Variants in DNAH10 observed in about 807,000 individuals in gnomAD.
DNAH10 encodes the protein dynein axonemal heavy chain 10, also known as axonemal beta dynein heavy chain 10.
In DNAH10, 348 loss-of-function variants were observed where a neutral mutation model predicts 506.6. That is an observed-to-expected ratio of 0.69 (90% CI 0.63 to 0.75). The LOEUF (loss-of-function observed/expected upper bound fraction) is 0.75, where lower values mean the gene tolerates loss of function less well. DNAH10 is among the 30% of genes least tolerant of loss of function. The probability of loss-of-function intolerance (pLI) is 0.00; values close to 1 mark genes in which losing one functional copy is unlikely to be tolerated. For synonymous variants in DNAH10, 2,059 were observed against 2,198.6 expected, an observed-to-expected ratio of 0.94 and a Z score of 1.78; for missense variants, 5,179 against 5,787.1, an observed-to-expected ratio of 0.89 and a Z score of 3.41.
chr12:123,819,576 C>T (rs762443406), intron 23 of DNAH10, among the ~76,000 whole-genome samples: 5 of 152,020 alleles, frequency 3.3e-5, no homozygotes, highest in South Asian at 2.1e-4. Context: ...ACAAAGGCAG[C>T]GTCTTATCCA....
intron 43 of DNAH10, among the ~76,000 whole-genome samples, chr12:123,869,655 T>C (rs1951947695): frequency 6.6e-6 from 1 of 152,202 alleles, no homozygotes. Flanking sequence ...TTTCTCCTTT[T>C]ACAGTGGAAG....
chr12:123,818,992 A>C lies in DNAH10; in HGVS notation c.3823A>C (p.Ile1275Leu), dbSNP rs748916901. The change falls in exon 22 of 79, where the codon ATA becomes CTA. Residue 1275 changes from isoleucine (I) to leucine (L), a missense_variant. By Grantham distance (5) the Ile-to-Leu change is conservative. Transcript: ENST00000673944. ...AGAACTGGTTGATAAGATTGAGAGC[A>C]TATGGTCCAATCTGTTTAATGATTC... Reference protein sequence around the residue: ...EKELVDKIESIWSNLFNDSVN... With the variant: ...EKELVDKIESLWSNLFNDSVN... The C allele has an allele frequency of 1.9e-6, 3 of 1,608,160 alleles. No homozygotes were observed. The highest frequency in any genetic ancestry group is 2.5e-6 in the Non-Finnish European group (3 of 1,177,230).
chr12:123,780,942 C>CA (rs376709809), intron 5 of DNAH10, 138 bp from the exon 6 acceptor site: 53,676 of 331,924 alleles, frequency 0.16, 2,065 homozygotes, highest in African/African-American at 0.28. Context: ...GACTCTGTCT[C>CA]AAAAAAAAAA....
chr12:123,930,252 C>T lies in DNAH10; in HGVS notation c.12613-150C>T, dbSNP rs529216924. 1.6e-5 allele frequency: 11 copies of T among 698,660 alleles called. No homozygotes were observed. The South Asian group carries it at 1.9e-4, about 12-fold the overall frequency. The allele number at this position is 698,660 out of a possible 1,614,324, so 43.3% of individuals were successfully genotyped here. ...CAGATCAATTGTGTGAACAGTGGCC[C>T]GAAAGGTTATGCAAGTCAACAGGTT... is the stretch of plus-strand genomic sequence containing the variant. On this transcript the variant is annotated intron_variant, in intron 72 of 78. Coordinates refer to ENST00000673944, the MANE Select transcript of DNAH10 (RefSeq NM_001372106.1).
In DNAH10 at chr12:123,850,041, A is replaced by G. The variant is rs984713176; in HGVS notation, c.6103-847A>G. 6.6e-6 allele frequency among the ~76,000 whole-genome samples: 1 copy of G among 152,086 alleles called. No individual in the cohort carries two copies. The highest frequency in any genetic ancestry group is 1.5e-5 in the Non-Finnish European group (1 of 68,012). ...CTCTTCCCCCTGGGCCATCTGGGCC[A>G]TCTGGGCCTCTTGTGGGATACTGAG... On this transcript the variant is annotated intron_variant, in intron 34 of 78. Transcript: ENST00000673944. The surrounding 1 kb of genome is among the most constrained non-coding windows in gnomAD (Gnocchi z 5.5).
chr12:123,780,050 C>T (rs1425209529), intron 5 of DNAH10, among the ~76,000 whole-genome samples: 3 of 152,044 alleles, frequency 2.0e-5, no homozygotes, highest in African/African-American at 7.2e-5. Flanking sequence ...AAACTATGTC[C>T]TCAAGAACTT....
chr12:123,908,575 C>T (rs1428422071), intron 57 of DNAH10: 1 of 456,010 alleles, frequency 2.2e-6, no homozygotes, highest in Non-Finnish European at 4.4e-6. Context: ...GGTTCGGTTC[C>T]TTCTCTGGCC....
chr12:123,908,667 G>A lies in DNAH10; in HGVS notation c.9816-594G>A, dbSNP rs111452931. ...AGGAACAAGGGCAGTGGACATCTGC[G>A]TTCTGGAGGAGCAGAGTGATGATCT... On this transcript the variant is annotated intron_variant, in intron 57 of 78. Coordinates refer to ENST00000673944, the MANE Select transcript of DNAH10 (RefSeq NM_001372106.1). 2,732 of 421,342 alleles carry A rather than the reference G, an allele frequency of 6.5e-3. 51 individuals carry two copies. The highest frequency in any genetic ancestry group is 0.046 in the African/African-American group (2,251 of 49,188). The allele number at this position is 421,342 out of a possible 1,614,324, so 26.1% of individuals were successfully genotyped here.
intron 21 of DNAH10, among the ~76,000 whole-genome samples, chr12:123,817,394 G>A (rs1959169607): frequency 6.6e-6 from 1 of 151,236 alleles, no homozygotes; most frequent in African/African-American, 2.4e-5. Flanking sequence ...TTTTCTTTCT[G>A]TGGTTTATTC....
At chr12:123,798,543 C>G (rs1565916329) in intron 13 of DNAH10, among the ~76,000 whole-genome samples, 1 of 152,140 alleles carries the variant, frequency 6.6e-6, no homozygotes, top group Non-Finnish European at 1.5e-5. Context: ...GCAGGCCCCA[C>G]CTCCAACACT....
intron 52 of DNAH10, among the ~76,000 whole-genome samples, chr12:123,889,481 G>C (rs2137143950): frequency 6.6e-6 from 1 of 152,248 alleles, no homozygotes. Flanking sequence ...CATGACCTCT[G>C]CCCTCCTTGG....
chr12:123,866,297 G>A (rs571244761), intron 41 of DNAH10, among the ~76,000 whole-genome samples: 2 of 134,380 alleles, frequency 1.5e-5, no homozygotes, highest in Admixed American at 8.6e-5. Flanking sequence ...AGGCTGGAGT[G>A]CAGTGGCGCA....
At chr12:123,927,589 C>T (rs1186752701) in intron 69 of DNAH10, 1 of 152,394 alleles carries the variant, frequency 6.6e-6, no homozygotes. Flanking sequence ...GTGCTCCCTG[C>T]TAGAACTTGC....
intron 49 of DNAH10, 104 bp from the exon 50 acceptor site, chr12:123,879,530 A>G: frequency 1.3e-6 from 2 of 1,530,654 alleles, no homozygotes; most frequent in South Asian, 1.3e-5. Context: ...AAAAAAATAG[A>G]ACGCAAATTA....
At chr12:123,848,659 T>C in intron 33 of DNAH10, 71 bp from the exon 34 acceptor site, 2 of 1,565,828 alleles carry the variant, frequency 1.3e-6, no homozygotes, top group Non-Finnish European at 1.7e-6. Flanking sequence ...TTAGAAAATA[T>C]ATCCATAAAT....
intron 24 of DNAH10, among the ~76,000 whole-genome samples, chr12:123,823,640 G>A (rs892536911): frequency 2.6e-5 from 4 of 152,210 alleles, no homozygotes; most frequent in Non-Finnish European, 4.4e-5. Flanking sequence ...TGGGTTCATA[G>A]TAGGTGTCTA....
Position 123,845,730 on chromosome 12 carries a change from A to C in DNAH10, c.5491A>C (p.Arg1831=), listed in dbSNP as rs1950924014. 1 of 1,613,896 alleles carries C rather than the reference A, an allele frequency of 6.2e-7. No homozygotes were observed. The highest frequency in any genetic ancestry group is 2.2e-5 in the East Asian group (1 of 44,886). The change falls in exon 31 of 79, where the codon AGG becomes CGG. Residue 1831 remains arginine (R), a synonymous_variant. Transcript: ENST00000673944. ...GAAGCAGGCCATGAAGAACTATGGC[A>C]GGAAAATGCACCGGCAGATCGATGA... is the stretch of plus-strand genomic sequence containing the variant. ...GEKQAMKNYG[R]KMHRQIDELV...
chr12:123,860,993 A>T lies in DNAH10; in HGVS notation c.6750-19A>T, dbSNP rs1489086970. 4.3e-6 allele frequency: 7 copies of T among 1,613,814 alleles called. No homozygotes were observed. The highest frequency in any genetic ancestry group is 5.9e-6 in the Non-Finnish European group (7 of 1,179,882). On this transcript the variant is annotated intron_variant, in intron 38 of 78. Transcript: ENST00000673944. Reference sequence around the variant, plus strand: ...CATTTAGTTGTCTTGAACCATGGCTAAAGCCTCTCTTGATTTAGGCTTGGG... The same window carrying T: ...CATTTAGTTGTCTTGAACCATGGCTTAAGCCTCTCTTGATTTAGGCTTGGG...
chr12:123,776,487 G>A (rs1211278093), intron 5 of DNAH10, among the ~76,000 whole-genome samples: 3 of 151,946 alleles, frequency 2.0e-5, no homozygotes, highest in Non-Finnish European at 4.4e-5. Flanking sequence ...TGGGAGGATG[G>A]TGAAGTCATT....
Sources: allele counts gnomAD v4.1 joint callset (sites outside exome capture counted in the v4.1 genomes callset), GRCh38; gene constraint gnomAD v4.1.1; non-coding constraint Gnocchi (gnomAD v3.1); transcripts MANE v1.5; gene names NCBI Gene and HGNC (gene_info 2026-07-23, HGNC 2026-07-21).